Variants in VAV3 observed in about 807,000 individuals in gnomAD.
The protein encoded by VAV3 is vav guanine nucleotide exchange factor 3.
Under a neutral mutation model 131.2 loss-of-function variants are expected in VAV3, and 94 were observed. The observed-to-expected ratio is 0.72, with a 90% confidence interval of 0.61 to 0.85. VAV3 has a LOEUF of 0.85. Ranked by LOEUF, VAV3 falls within the 40% of genes least tolerant of loss-of-function variation. The pLI is 0.00. For synonymous variants in VAV3, 349 were observed against 342.0 expected (o/e 1.02, Z -0.22); for missense variants, 939 against 1,002.7 (o/e 0.94, Z 0.86).
At position 107,778,979 on chromosome 1, in the gene VAV3, C is replaced by A. The variant is rs554247179; in HGVS notation, c.380+455G>T. The stretch of plus-strand genomic sequence containing the variant: ...TCCAGGTTTTTAATTTACTACTGAA[C>A]CTTCAATACACATTCTTGTACACAT... On this transcript the variant is annotated intron_variant, in intron 3 of 26. Coordinates refer to ENST00000370056, the MANE Select transcript of VAV3 (RefSeq NM_006113.5). Among the ~76,000 whole-genome samples the A allele has an allele frequency of 1.6e-3, 236 of 152,228 alleles. 3 individuals carry two copies. The highest frequency in any genetic ancestry group is 5.3e-3 in the African/African-American group (220 of 41,530).
intron 2 of VAV3, among the ~76,000 whole-genome samples, chr1:107,842,942 A>G (rs775975543): frequency 3.3e-5 from 5 of 152,184 alleles, no homozygotes; most frequent in African/African-American, 9.7e-5. Context: ...TCATATTCCT[A>G]TCATGAGGAA....
chr1:107,640,684 C>T (rs540085736), intron 20 of VAV3, among the ~76,000 whole-genome samples: 1 of 152,118 alleles, frequency 6.6e-6, no homozygotes, highest in South Asian at 2.1e-4. Flanking sequence ...TAAAGTTGCA[C>T]TAATGATCCA....
chr1:107,573,879 G>A (rs539596729), intron 26 of VAV3, among the ~76,000 whole-genome samples, 168 bp downstream of exon 26: 1 of 152,186 alleles, frequency 6.6e-6, no homozygotes, highest in African/African-American at 2.4e-5. Context: ...TATTTTCAGC[G>A]AGTCCCTGGT....
intron 19 of VAV3, among the ~76,000 whole-genome samples, chr1:107,662,958 C>A (rs1013734000): frequency 3.9e-5 from 6 of 152,192 alleles, no homozygotes; most frequent in East Asian, 1.9e-4. Context: ...CTGCTCCAGG[C>A]TGGTCTTGTC....
chr1:107,728,297 A>G, intron 15 of VAV3, among the ~76,000 whole-genome samples: 1 of 152,154 alleles, frequency 6.6e-6, no homozygotes, highest in African/African-American at 2.4e-5. Context: ...AAGAGGAATC[A>G]CCAGGGATTA....
At chr1:107,688,970 C>T (rs970930543) in intron 17 of VAV3, among the ~76,000 whole-genome samples, 8 of 152,052 alleles carry the variant, frequency 5.3e-5, no homozygotes, top group Admixed American at 4.6e-4. Flanking sequence ...GATTTTAATG[C>T]TAATTTTCTT....
At chr1:107,676,324 C>T (rs753581109) in intron 19 of VAV3, among the ~76,000 whole-genome samples, 16 of 152,154 alleles carry the variant, frequency 1.1e-4, no homozygotes, top group Non-Finnish European at 2.1e-4. Context: ...TTAAAGCTCT[C>T]CTTGGGATTC....
intron 1 of VAV3, among the ~76,000 whole-genome samples, chr1:107,887,312 A>G (rs2035015): frequency 0.79 from 119,919 of 152,190 alleles, 47,665 homozygotes; most frequent in African/African-American, 0.89. Flanking sequence ...TTTTCCTTTG[A>G]CTACAGTGAC....
intron 1 of VAV3, among the ~76,000 whole-genome samples, chr1:107,933,869 A>C (rs948833366): frequency 6.6e-6 from 1 of 152,132 alleles, no homozygotes; most frequent in African/African-American, 2.4e-5. Flanking sequence ...GATTTTAAAA[A>C]GCATGCTATC....
chr1:107,748,515 G>A (rs979571375), intron 15 of VAV3, among the ~76,000 whole-genome samples: 19 of 152,056 alleles, frequency 1.2e-4, no homozygotes, highest in Non-Finnish European at 1.8e-4. Context: ...TCAAATAAGC[G>A]AGTTAAAACA....
chr1:107,725,732 C>G (rs1661799356), intron 15 of VAV3, among the ~76,000 whole-genome samples: 1 of 152,136 alleles, frequency 6.6e-6, no homozygotes, highest in South Asian at 2.1e-4. Context: ...AGGCTACTCT[C>G]AAACTCCCGA....
intron 1 of VAV3, among the ~76,000 whole-genome samples, chr1:107,922,783 TCTACTAAAA>T (rs1672967099): frequency 6.6e-6 from 1 of 151,276 alleles, no homozygotes; most frequent in African/African-American, 2.4e-5. Flanking sequence ...AAACCCCGCC[TCTACTAAAA>T]ATACAAAAAA....
chr1:107,624,105 T>A (rs1044644827), intron 20 of VAV3, among the ~76,000 whole-genome samples: 6 of 151,950 alleles, frequency 3.9e-5, no homozygotes, highest in Admixed American at 3.3e-4. Context: ...GATGGAAGTG[T>A]CAAAAACCCT....
intron 2 of VAV3, among the ~76,000 whole-genome samples, chr1:107,799,153 C>G (rs983268865): frequency 6.6e-6 from 1 of 152,102 alleles, no homozygotes; most frequent in African/African-American, 2.4e-5. Context: ...TTTCATTTAG[C>G]TATGTAAATT....
At chr1:107,815,942 C>G (rs1161989483) in intron 2 of VAV3, among the ~76,000 whole-genome samples, 2 of 152,148 alleles carry the variant, frequency 1.3e-5, no homozygotes, top group African/African-American at 2.4e-5. Flanking sequence ...GATCATCAGG[C>G]ATTAGGTTCT....
At chr1:107,757,190 TGC>T in intron 11 of VAV3, 69 bp downstream of exon 11, 1 of 1,048,194 alleles carries the variant, frequency 9.5e-7, no homozygotes, top group Non-Finnish European at 1.4e-6. Context: ...TGTGTGTGTA[TGC>T]AATTTGAATT....
At chr1:107,868,922 G>C (rs925232021) in intron 2 of VAV3, among the ~76,000 whole-genome samples, 4 of 152,074 alleles carry the variant, frequency 2.6e-5, no homozygotes, top group African/African-American at 9.7e-5. Context: ...TTTAGCTTTG[G>C]GCACAGCACT....
chr1:107,943,699 G>A (rs1363612227), intron 1 of VAV3, among the ~76,000 whole-genome samples: 2 of 152,198 alleles, frequency 1.3e-5, no homozygotes, highest in African/African-American at 2.4e-5. Context: ...CCGAGATGGT[G>A]CCACTGTGCT....
intron 20 of VAV3, among the ~76,000 whole-genome samples, chr1:107,638,811 C>T (rs1414136835): frequency 6.6e-6 from 1 of 152,102 alleles, no homozygotes; most frequent in Admixed American, 6.5e-5. Context: ...GACAGCATCA[C>T]ATTGGTACAA....
Sources: allele counts gnomAD v4.1 joint callset (sites outside exome capture counted in the v4.1 genomes callset), GRCh38; gene constraint gnomAD v4.1.1; transcripts MANE v1.5; gene names NCBI Gene and HGNC (gene_info 2026-07-23, HGNC 2026-07-21).